RAB38: variants seen among roughly 807,000 people sequenced by gnomAD.
RAB38 encodes RAB38, member RAS oncogene family.
Under a neutral mutation model 18.4 loss-of-function variants are expected in RAB38, and 15 were observed. The observed-to-expected ratio is 0.82, with a 90% CI of 0.55 to 1.26. The LOEUF (loss-of-function observed/expected upper bound fraction) is 1.26. Among genes scored for constraint, RAB38 ranks in the 50% most tolerant of loss-of-function variants. RAB38 has a pLI of 0.00. For synonymous variants in RAB38, 101 were observed against 104.4 expected, an observed-to-expected ratio of 0.97 and a Z score of 0.20; for missense variants, 294 against 267.4, an observed-to-expected ratio of 1.10 and a Z score of -0.69.
the RAB38 span, among the ~76,000 whole-genome samples, chr11:87,961,863 A>G: frequency 2.6e-5 from 4 of 152,182 alleles, no homozygotes; most frequent in East Asian, 3.9e-4. Flanking sequence ...TTATGCCTTG[A>G]TTTTTTTCCA....
the RAB38 span, among the ~76,000 whole-genome samples, chr11:87,813,507 A>T: frequency 2.6e-4 from 38 of 148,008 alleles, no homozygotes; most frequent in East Asian, 7.0e-3. Flanking sequence ...CATCACACAC[A>T]CACACACACA....
At position 88,175,179 on chromosome 11, in the gene RAB38, T is replaced by C; in HGVS notation, c.202+4A>G. ...TCCCCCTGACCCCCTCCCCCCGCGC[T>C]CACCTGCGATATCCCAGAGCTGCAG... On this transcript the variant is annotated splice_donor_region_variant and intron_variant, in intron 1 of 2. Coordinates refer to ENST00000243662, the MANE Select transcript of RAB38 (RefSeq NM_022337.3). 1 of 1,596,960 alleles carries C rather than the reference T, an allele frequency of 6.3e-7. No homozygotes were observed. Among genetic ancestry groups the C allele is most frequent in the South Asian group, 1.1e-5 (1 of 89,082 alleles).
the RAB38 span, among the ~76,000 whole-genome samples, chr11:87,907,244 A>G: frequency 6.6e-6 from 1 of 151,916 alleles, no homozygotes; most frequent in African/African-American, 2.4e-5. Flanking sequence ...TTGTGATTTG[A>G]TACGTGAAAC....
chr11:87,901,275 C>T, the RAB38 span, among the ~76,000 whole-genome samples: 10 of 151,616 alleles, frequency 6.6e-5, no homozygotes, highest in Non-Finnish European at 1.5e-4. Context: ...ATCTGTGTTT[C>T]CCTTATCCTT....
the RAB38 span, among the ~76,000 whole-genome samples, chr11:87,976,820 C>A: frequency 1.5e-5 from 1 of 64,750 alleles, no homozygotes; most frequent in Non-Finnish European, 2.7e-5. Flanking sequence ...ATATATTATA[C>A]AATGTATAAT....
At chr11:87,828,703 G>C in the RAB38 span, among the ~76,000 whole-genome samples, 1 of 152,008 alleles carries the variant, frequency 6.6e-6, no homozygotes, top group Non-Finnish European at 1.5e-5. Flanking sequence ...TACCTTTTTT[G>C]GGTAATTTAT....
chr11:88,023,923 A>G, the RAB38 span, among the ~76,000 whole-genome samples: 1 of 152,152 alleles, frequency 6.6e-6, no homozygotes, highest in Non-Finnish European at 1.5e-5. Context: ...GAAATCTAAG[A>G]CCTCAAACTA....
intron 2 of RAB38, among the ~76,000 whole-genome samples, chr11:88,137,800 G>A (rs984219425): frequency 2.0e-5 from 3 of 152,130 alleles, no homozygotes; most frequent in Admixed American, 1.3e-4. Flanking sequence ...AAAACTACCA[G>A]ACAAAAGAAA....
the RAB38 span, among the ~76,000 whole-genome samples, chr11:87,934,788 T>G: frequency 6.6e-6 from 1 of 151,732 alleles, no homozygotes; most frequent in African/African-American, 2.4e-5. Context: ...AATACAAAGG[T>G]TTGGTTTAAA....
chr11:88,084,353 T>C, the RAB38 span, among the ~76,000 whole-genome samples: 2 of 151,462 alleles, frequency 1.3e-5, no homozygotes, highest in Admixed American at 6.6e-5. Flanking sequence ...GTCATCTGCT[T>C]TGAAAGGGAT....
At chr11:87,908,086 T>C in the RAB38 span, among the ~76,000 whole-genome samples, 1 of 151,936 alleles carries the variant, frequency 6.6e-6, no homozygotes, top group Non-Finnish European at 1.5e-5. Flanking sequence ...GTCTCGGTCA[T>C]AAGACTTAAC....
chr11:87,966,222 A>C, the RAB38 span, among the ~76,000 whole-genome samples: 1 of 152,158 alleles, frequency 6.6e-6, no homozygotes, highest in Non-Finnish European at 1.5e-5. Flanking sequence ...TTAATTTCAT[A>C]TAAAGAAGAA....
At chr11:88,162,649 T>C (rs1029848840) in intron 1 of RAB38, among the ~76,000 whole-genome samples, 2 of 152,104 alleles carry the variant, frequency 1.3e-5, no homozygotes, top group African/African-American at 4.8e-5. Flanking sequence ...GAATTATCAC[T>C]AGGAACATAT....
At chr11:88,027,911 G>A in the RAB38 span, among the ~76,000 whole-genome samples, 9 of 152,190 alleles carry the variant, frequency 5.9e-5, no homozygotes, top group Non-Finnish European at 8.8e-5. Context: ...TCTGAGAATG[G>A]GCAGACTGCC....
Position 88,175,319 on chromosome 11 carries a change from C to T in RAB38, c.66G>A (p.Lys22=). The stretch of plus-strand genomic sequence containing the variant: ...GCACGTAGCGCTTGATGATACTGGT[C>T]TTCCCCACGCCCAGGTCGCCAATCA... ...LLVIGDLGVG[K]TSIIKRYVHQ... Residue 22 remains lysine (K), a synonymous_variant, in exon 1 of 3, where the codon AAG becomes AAA. Transcript: ENST00000243662. 1.2e-6 allele frequency: 2 copies of T among 1,614,240 alleles called. No individual in the cohort carries two copies. The highest frequency in any genetic ancestry group is 8.5e-7 in the Non-Finnish European group (1 of 1,180,044).
chr11:87,951,633 C>A, the RAB38 span, among the ~76,000 whole-genome samples: 4 of 152,132 alleles, frequency 2.6e-5, no homozygotes, highest in Non-Finnish European at 5.9e-5. Context: ...CCCCCAGCTG[C>A]AGGTCTGTTG....
At chr11:87,918,034 A>G in the RAB38 span, 1 of 152,092 alleles carries the variant, frequency 6.6e-6, no homozygotes. Flanking sequence ...GTGTCCTCTG[A>G]CAAACACCTG....
the RAB38 span, among the ~76,000 whole-genome samples, chr11:87,829,254 G>A: frequency 6.6e-6 from 1 of 152,144 alleles, no homozygotes; most frequent in East Asian, 1.9e-4. Flanking sequence ...CTGGGTGATG[G>A]GATTAATCGT....
At chr11:88,105,176 C>A in the RAB38 span, among the ~76,000 whole-genome samples, 1 of 151,498 alleles carries the variant, frequency 6.6e-6, no homozygotes, top group South Asian at 2.1e-4. Context: ...CTCTATTACA[C>A]CTTCCTCTAT....
Sources: gnomAD v4.1 joint callset for allele counts (sites outside exome capture counted in the v4.1 genomes callset) on GRCh38, gnomAD v4.1.1 for gene constraint, MANE v1.5 for transcripts, NCBI Gene and HGNC (gene_info 2026-07-23, HGNC 2026-07-21) for gene names.